The following GRK3 variants were observed in gnomAD, a reference collection of about 807,000 sequenced individuals.
GRK3 encodes G protein-coupled receptor kinase 3.
In GRK3, 54 loss-of-function variants were observed where a neutral mutation model predicts 95.7. The observed-to-expected ratio is 0.56, with a 90% CI of 0.45 to 0.71. The LOEUF is 0.71. Ranked by LOEUF, GRK3 falls within the 30% of genes least tolerant of loss-of-function variation. The pLI is 0.00. For synonymous variants in GRK3, 281 were observed against 290.8 expected, an observed-to-expected ratio of 0.97 and a Z score of 0.34; for missense variants, 649 against 851.2, an observed-to-expected ratio of 0.76 and a Z score of 2.96.
chr22:25,712,922 G>A (rs1461006991), intron 17 of GRK3, among the ~76,000 whole-genome samples: 8 of 152,224 alleles, frequency 5.3e-5, no homozygotes, highest in Non-Finnish European at 1.2e-4. Flanking sequence ...AGTCCAGCAG[G>A]GAGGGCAGGG....
At chr22:25,670,637 C>G (rs919709902) in intron 6 of GRK3, among the ~76,000 whole-genome samples, 1 of 152,078 alleles carries the variant, frequency 6.6e-6, no homozygotes, top group Non-Finnish European at 1.5e-5. Flanking sequence ...CTTCCTCCCT[C>G]TCTCCCTGAA....
Position 25,662,319 on chromosome 22 carries a change from T to A in GRK3, c.366+642T>A, listed in dbSNP as rs533688502. 5.3e-5 allele frequency among the ~76,000 whole-genome samples: 8 copies of A among 152,358 alleles called. No homozygotes were observed. In the South Asian group the frequency reaches 6.2e-4, roughly 12 times the overall value. ...CTGTATCAACGCAGCAGCCACTAGCTGCATGTGGCAATTTACATTTAACTT... is the reference window on the plus strand; with the variant it reads ...CTGTATCAACGCAGCAGCCACTAGCAGCATGTGGCAATTTACATTTAACTT... On this transcript the variant is annotated intron_variant, in intron 4 of 20. Transcript: ENST00000324198.
intron 3 of GRK3, chr22:25,648,755 G>A (rs532124695): frequency 9.7e-6 from 11 of 1,134,422 alleles, no homozygotes; most frequent in African/African-American, 6.1e-5. Context: ...CTGATGGTAT[G>A]GCATATATTA....
In GRK3 at chr22:25,578,599, T is replaced by G. The variant is rs1406850398; in HGVS notation, c.113+13446T>G. ...GGATTATCTAGGTGGGCCCTAGTGT[T>G]ACCGCCAGGGAGGCGGAGAGTTGGT... is the stretch of plus-strand genomic sequence containing the variant. On this transcript the variant is annotated intron_variant, in intron 1 of 20. Transcript: ENST00000324198. Among the ~76,000 whole-genome samples the G allele has an allele frequency of 7.2e-5, 11 of 152,268 alleles. No individual in the cohort carries two copies. In the East Asian group the frequency reaches 2.1e-3, roughly 29 times the overall value.
intron 1 of GRK3, among the ~76,000 whole-genome samples, chr22:25,567,544 C>T (rs1418131554): frequency 6.6e-6 from 1 of 152,202 alleles, no homozygotes; most frequent in Non-Finnish European, 1.5e-5. Flanking sequence ...TATGACTTCA[C>T]ACTATTGGTA....
chr22:25,588,774 ATT>A (rs569905752), intron 1 of GRK3, among the ~76,000 whole-genome samples: 2,967 of 139,746 alleles, frequency 0.021, 41 homozygotes, highest in Non-Finnish European at 0.029. Flanking sequence ...TAGTTCATTA[ATT>A]TTTTTTTTTT....
intron 1 of GRK3, among the ~76,000 whole-genome samples, chr22:25,583,175 G>C (rs192228276): frequency 3.9e-5 from 6 of 152,122 alleles, no homozygotes; most frequent in African/African-American, 1.4e-4. Flanking sequence ...CAAATGAGTC[G>C]CCTGTTTGCT....
intron 13 of GRK3, chr22:25,702,874 C>G (rs1173742063): frequency 6.6e-6 from 3 of 456,056 alleles, no homozygotes; most frequent in Admixed American, 4.7e-5. Flanking sequence ...TTCTATGTGG[C>G]TGACAGTCAC....
chr22:25,586,364 A>G (rs925624827), intron 1 of GRK3, among the ~76,000 whole-genome samples: 3 of 152,308 alleles, frequency 2.0e-5, no homozygotes, highest in African/African-American at 4.8e-5. Flanking sequence ...AATAAAGAGT[A>G]TAATTGGATA....
chr22:25,612,072 A>G (rs2084502250), intron 2 of GRK3, among the ~76,000 whole-genome samples: 1 of 151,990 alleles, frequency 6.6e-6, no homozygotes, highest in Non-Finnish European at 1.5e-5. Flanking sequence ...AGCTCAGGCA[A>G]TCCACCCGCC....
intron 5 of GRK3, among the ~76,000 whole-genome samples, chr22:25,664,107 A>G (rs1440142346): frequency 6.6e-6 from 1 of 152,164 alleles, no homozygotes; most frequent in Non-Finnish European, 1.5e-5. Flanking sequence ...AATACAATTT[A>G]TTTTCAAGAT....
At chr22:25,638,978 A>G (rs774230869) in intron 2 of GRK3, among the ~76,000 whole-genome samples, 9 of 152,140 alleles carry the variant, frequency 5.9e-5, no homozygotes, top group East Asian at 3.9e-4. Flanking sequence ...GGCTGTTTCT[A>G]TCCCTTTCTT....
intron 2 of GRK3, among the ~76,000 whole-genome samples, chr22:25,616,284 T>A (rs1199649079): frequency 6.6e-6 from 1 of 151,850 alleles, no homozygotes; most frequent in Non-Finnish European, 1.5e-5. Context: ...TCCACAGGCC[T>A]AAGAGGAAGC....
At position 25,595,510 on chromosome 22, in the gene GRK3, T is replaced by C. The variant is rs573913622; in HGVS notation, c.114-8867T>C. Among the ~76,000 whole-genome samples the C allele has an allele frequency of 2.6e-5, 4 of 152,264 alleles. No individual in the cohort carries two copies. The East Asian group carries it at 7.7e-4, about 29-fold the overall frequency. On this transcript the variant is annotated intron_variant, in intron 1 of 20. Coordinates refer to ENST00000324198, the MANE Select transcript of GRK3 (RefSeq NM_005160.4). ...GAGCTAAAAATAAAAACATGCAAGA[T>C]ATTAAAAATACAAATAGGGACTGAA...
At position 25,718,227 on chromosome 22, in the gene GRK3, T is replaced by A; in HGVS notation, c.1655-18T>A. On this transcript the variant is annotated intron_variant, in intron 18 of 20. Coordinates refer to ENST00000324198, the MANE Select transcript of GRK3 (RefSeq NM_005160.4). ...GTTTCAGAGCCTATTTAACTCCTAGTGATTTTGTATTCCTCAGATTACGCT... is the reference window on the plus strand; with the variant it reads ...GTTTCAGAGCCTATTTAACTCCTAGAGATTTTGTATTCCTCAGATTACGCT... 1 of 1,609,316 alleles carries A rather than the reference T, an allele frequency of 6.2e-7. No homozygotes were observed. Among genetic ancestry groups the A allele is most frequent in the Non-Finnish European group, 8.5e-7 (1 of 1,176,544 alleles).
At chr22:25,605,197 G>A (rs1025386541) in intron 2 of GRK3, among the ~76,000 whole-genome samples, 1 of 152,210 alleles carries the variant, frequency 6.6e-6, no homozygotes, top group African/African-American at 2.4e-5. Flanking sequence ...GAAGTACAGT[G>A]GGGAAAAGGT....
chr22:25,595,771 ACT>A (rs551017490), intron 1 of GRK3, among the ~76,000 whole-genome samples: 35 of 151,278 alleles, frequency 2.3e-4, no homozygotes, highest in African/African-American at 8.3e-4. Context: ...ACATAGTGAG[ACT>A]CTGTCTCCAA....
At position 25,714,335 on chromosome 22, in the gene GRK3, G is replaced by C. The variant is rs567686668; in HGVS notation, c.1492-73G>C. 6.8e-6 allele frequency: 9 copies of C among 1,315,546 alleles called. No homozygotes were observed. The African/African-American group carries it at 1.2e-4, about 17-fold the overall frequency. The allele number at this position is 1,315,546 out of a possible 1,614,324, so 81.5% of individuals were successfully genotyped here. ...ATAGAGTTATGATAGAGTCACCATG[G>C]ATGTGGCGCCGCGGACTCTTACCTT... On this transcript the variant is annotated intron_variant, in intron 17 of 20. Transcript: ENST00000324198.
chr22:25,587,262 AAGG>A (rs1468106728), intron 1 of GRK3, among the ~76,000 whole-genome samples: 2 of 152,126 alleles, frequency 1.3e-5, no homozygotes, highest in Non-Finnish European at 2.9e-5. Context: ...TCTTGGAAAC[AAGG>A]AGGCTGCAAC....
Sources: allele counts gnomAD v4.1 joint callset (sites outside exome capture counted in the v4.1 genomes callset), GRCh38; gene constraint gnomAD v4.1.1; transcripts MANE v1.5; gene names NCBI Gene and HGNC (gene_info 2026-07-23, HGNC 2026-07-21).